Variants in MAD1L1 observed in about 807,000 individuals in gnomAD.
MAD1L1 encodes mitotic arrest deficient 1 like 1.
In MAD1L1, 95 loss-of-function variants were observed where a neutral mutation model predicts 96.9. The ratio of observed to expected loss-of-function variants is 0.98; its 90% confidence interval spans 0.83 to 1.16. The LOEUF (loss-of-function observed/expected upper bound fraction) is 1.16. Ranked by LOEUF, MAD1L1 falls within the 50% of genes most tolerant of loss-of-function variation. The probability of loss-of-function intolerance (pLI) is 0.00; values close to 1 mark genes in which losing one functional copy is unlikely to be tolerated. For missense variants in MAD1L1, 1,007 were observed against 954.4 expected (o/e 1.06, Z -0.73); for synonymous variants, 473 against 396.6 (o/e 1.19, Z -2.29).
chr7:2,110,899 C>T (rs1419803477), intron 11 of MAD1L1, among the ~76,000 whole-genome samples: 1 of 152,134 alleles, frequency 6.6e-6, no homozygotes, highest in African/African-American at 2.4e-5. Context: ...CCAGCAGAGC[C>T]GAGGAGATGA....
At chr7:2,208,714 C>T (rs1353653585) in intron 10 of MAD1L1, among the ~76,000 whole-genome samples, 1 of 152,306 alleles carries the variant, frequency 6.6e-6, no homozygotes, top group Non-Finnish European at 1.5e-5. Flanking sequence ...CCTGCATTCC[C>T]AGATGGGCTC....
chr7:2,174,432 C>T (rs1002974166), intron 10 of MAD1L1, among the ~76,000 whole-genome samples: 1 of 152,188 alleles, frequency 6.6e-6, no homozygotes, highest in African/African-American at 2.4e-5. Flanking sequence ...CGTTCATCCA[C>T]TGGACTGGGT....
rs758849659 is a variant in MAD1L1 at position 2,103,672 on chromosome 7, G to C, written c.1074-34334C>G. ...CTCGATCCCACAGGGGAGAAGGAGGGAGCGGCCACGAGGAGGAGCCAGGGA... is the reference window on the plus strand; with the variant it reads ...CTCGATCCCACAGGGGAGAAGGAGGCAGCGGCCACGAGGAGGAGCCAGGGA... On this transcript the variant is annotated intron_variant, in intron 11 of 18. Transcript: ENST00000265854. The surrounding 1 kb of genome is among the most constrained non-coding windows in gnomAD (Gnocchi z 4.3). Among the ~76,000 whole-genome samples the C allele has an allele frequency of 1.6e-4, 25 of 152,188 alleles. 1 individual carries two copies. Among genetic ancestry groups the C allele is most frequent in the Non-Finnish European group, 2.8e-4 (19 of 68,028 alleles).
chr7:2,090,786 C>T (rs949060309), intron 11 of MAD1L1, among the ~76,000 whole-genome samples: 4 of 152,196 alleles, frequency 2.6e-5, no homozygotes, highest in South Asian at 2.1e-4. Context: ...GGGCCCTCAT[C>T]GCTCCGGGAA....
intron 11 of MAD1L1, among the ~76,000 whole-genome samples, chr7:2,111,813 G>A (rs1005880284): frequency 2.0e-5 from 3 of 152,198 alleles, no homozygotes; most frequent in Non-Finnish European, 4.4e-5. Context: ...CGCACACACC[G>A]CGAACGCACA....
At chr7:2,069,496 A>T (rs2128529432) in intron 11 of MAD1L1, among the ~76,000 whole-genome samples, 158 bp from the exon 12 acceptor site, 1 of 152,146 alleles carries the variant, frequency 6.6e-6, no homozygotes, top group Non-Finnish European at 1.5e-5. Flanking sequence ...ATAGCTACTT[A>T]AGGCCTTTCA....
chr7:1,824,660 G>C (rs1376194011), intron 18 of MAD1L1, among the ~76,000 whole-genome samples: 1 of 152,202 alleles, frequency 6.6e-6, no homozygotes, highest in Non-Finnish European at 1.5e-5. Flanking sequence ...GAGGAGAGGG[G>C]CGTGCCTGGA....
intron 11 of MAD1L1, among the ~76,000 whole-genome samples, chr7:2,129,004 T>C (rs1156240450): frequency 6.6e-6 from 1 of 152,224 alleles, no homozygotes; most frequent in Non-Finnish European, 1.5e-5. Context: ...TGGGGAGTGC[T>C]GCTGGCGCTG....
At chr7:1,960,879 C>T (rs1562564051) in intron 15 of MAD1L1, among the ~76,000 whole-genome samples, 1 of 152,196 alleles carries the variant, frequency 6.6e-6, no homozygotes. Context: ...AAGAAGACCT[C>T]ATGCTAAACC....
At chr7:2,027,368 C>T (rs927199933) in intron 12 of MAD1L1, among the ~76,000 whole-genome samples, 4 of 152,184 alleles carry the variant, frequency 2.6e-5, no homozygotes, top group South Asian at 2.1e-4. Flanking sequence ...CCAGAAAAGC[C>T]ATAACATCAC....
chr7:2,079,893 G>C, intron 11 of MAD1L1: 1 of 379,396 alleles, frequency 2.6e-6, no homozygotes, highest in Non-Finnish European at 5.3e-6. Flanking sequence ...CTGACTTGGA[G>C]AAAAAAGAGA....
At chr7:1,932,317 C>T (rs546486309) in intron 17 of MAD1L1, among the ~76,000 whole-genome samples, 29 of 152,210 alleles carry the variant, frequency 1.9e-4, no homozygotes, top group African/African-American at 6.3e-4. Context: ...TCTCTGCTTC[C>T]GCGGCAGAAG....
intron 2 of MAD1L1, 193 bp from the exon 3 acceptor site, chr7:2,230,336 CA>C: frequency 3.9e-6 from 2 of 517,552 alleles, no homozygotes; most frequent in Non-Finnish European, 7.0e-6. Context: ...AAAATGGAAG[CA>C]AGGAAGCATG....
At chr7:2,072,367 G>A (rs754493961) in intron 11 of MAD1L1, among the ~76,000 whole-genome samples, 11 of 152,220 alleles carry the variant, frequency 7.2e-5, no homozygotes, top group African/African-American at 1.9e-4. Flanking sequence ...CAGCCGCCTC[G>A]GAAAGCCCTA....
intron 18 of MAD1L1, among the ~76,000 whole-genome samples, chr7:1,895,670 G>A (rs1786820098): frequency 6.6e-6 from 1 of 152,268 alleles, no homozygotes; most frequent in African/African-American, 2.4e-5. Context: ...TGGCCGGAAG[G>A]GTGGGGAGCG....
chr7:1,915,230 G>C (rs1289910275), intron 17 of MAD1L1, among the ~76,000 whole-genome samples: 1 of 152,190 alleles, frequency 6.6e-6, no homozygotes, highest in African/African-American at 2.4e-5. Flanking sequence ...TTTTCAACTA[G>C]GGAAACAGAT....
At chr7:1,888,022 C>T (rs1786244702) in intron 18 of MAD1L1, among the ~76,000 whole-genome samples, 1 of 126,952 alleles carries the variant, frequency 7.9e-6, no homozygotes, top group South Asian at 2.6e-4. Context: ...CGTGTGTGTG[C>T]ATGCGTGAGA....
intron 15 of MAD1L1, among the ~76,000 whole-genome samples, chr7:1,979,810 C>A (rs182998067): frequency 6.6e-6 from 1 of 152,198 alleles, no homozygotes; most frequent in Non-Finnish European, 1.5e-5. Context: ...GCAGCCATCT[C>A]GGCACAGCAC....
At chr7:1,967,164 G>A (rs1403273723) in intron 15 of MAD1L1, among the ~76,000 whole-genome samples, 2 of 152,188 alleles carry the variant, frequency 1.3e-5, no homozygotes, top group Middle Eastern at 3.2e-3. Flanking sequence ...GGGCTTCCAG[G>A]TGTGACTTCA....
Sources: allele counts gnomAD v4.1 joint callset (sites outside exome capture counted in the v4.1 genomes callset), GRCh38; gene constraint gnomAD v4.1.1; non-coding constraint Gnocchi (gnomAD v3.1); transcripts MANE v1.5; gene names NCBI Gene and HGNC (gene_info 2026-07-23, HGNC 2026-07-21).